Variants in PHF24 observed in about 807,000 individuals in gnomAD.
PHF24 encodes the protein PHD finger protein 24.
A neutral mutation model predicts 42.6 loss-of-function variants in PHF24; 25 were observed. The observed-to-expected ratio is 0.59, with a 90% confidence interval of 0.43 to 0.82. The LOEUF (loss-of-function observed/expected upper bound fraction) is 0.82, where lower values mean the gene tolerates loss of function less well. Ranked by LOEUF, PHF24 falls within the 40% of genes least tolerant of loss-of-function variation. The pLI, the probability that PHF24 is intolerant of heterozygous loss-of-function variation, is 0.00. For missense variants in PHF24, 470 were observed against 538.1 expected (o/e 0.87, Z 1.25); for synonymous variants, 185 against 204.8 (o/e 0.90, Z 0.83).
chr9:34,902,791 T>G, the PHF24 span, among the ~76,000 whole-genome samples: 29,672 of 152,176 alleles, frequency 0.19, 3,242 homozygotes, highest in East Asian at 0.49. Flanking sequence ...AGATTTCAAT[T>G]AAGAAAAAGA....
chr9:34,929,313 T>A, the PHF24 span, among the ~76,000 whole-genome samples: 40 of 152,362 alleles, frequency 2.6e-4, no homozygotes, highest in African/African-American at 9.4e-4. Flanking sequence ...TTGGATTTTT[T>A]AAATATGATT....
At chr9:34,919,689 A>G in the PHF24 span, among the ~76,000 whole-genome samples, 1 of 52,022 alleles carries the variant, frequency 1.9e-5, no homozygotes, top group East Asian at 4.2e-4. Flanking sequence ...GTACCCAGTA[A>G]TTACACACAC....
At chr9:34,893,052 G>T in the PHF24 span, 1 of 919,786 alleles carries the variant, frequency 1.1e-6, no homozygotes, top group Non-Finnish European at 1.7e-6. Flanking sequence ...TCACCTGCCA[G>T]CAATTGCTTA....
chr9:34,742,727 GCTT>G, the PHF24 span, among the ~76,000 whole-genome samples: 2 of 101,548 alleles, frequency 2.0e-5, no homozygotes, highest in African/African-American at 6.4e-5. Flanking sequence ...ACAATGCCCG[GCTT>G]CTTTTTTTCT....
the PHF24 span, among the ~76,000 whole-genome samples, chr9:34,877,883 C>G: frequency 0.19 from 29,167 of 151,942 alleles, 2,982 homozygotes; most frequent in South Asian, 0.29. Flanking sequence ...CTATCTCCCC[C>G]TCCCTGACAG....
the PHF24 span, chr9:34,835,848 C>G: frequency 3.1e-6 from 4 of 1,306,356 alleles, no homozygotes; most frequent in South Asian, 2.5e-5. Flanking sequence ...GCTCTATACT[C>G]TGCTCAAAGG....
exon 8 of PHF24, chr9:34,980,205 C>G (rs576102860): frequency 6.6e-6 from 1 of 152,368 alleles, no homozygotes; most frequent in African/African-American, 2.4e-5. Flanking sequence ...CTTCACAGAT[C>G]AAGGTGATGC....
the PHF24 span, among the ~76,000 whole-genome samples, chr9:34,857,192 G>GGA: frequency 6.6e-6 from 1 of 152,196 alleles, no homozygotes; most frequent in Non-Finnish European, 1.5e-5. Context: ...TGCTGCCACT[G>GGA]GCCAGCTGGA....
exon 8 of PHF24, chr9:34,978,727 A>G (rs996236926): frequency 1.3e-5 from 2 of 152,226 alleles, no homozygotes; most frequent in Non-Finnish European, 2.9e-5. Flanking sequence ...AGAGTTAAAC[A>G]TCACCACTGA....
chr9:34,921,837 A>C, the PHF24 span, among the ~76,000 whole-genome samples: 1 of 152,208 alleles, frequency 6.6e-6, no homozygotes. Flanking sequence ...ACCAGGACAA[A>C]CCAATATGTA....
the PHF24 span, chr9:34,726,808 C>G: frequency 6.4e-7 from 1 of 1,551,748 alleles, no homozygotes. Context: ...ACATACTAGA[C>G]GTAGACAGCA....
chr9:34,724,829 A>G, the PHF24 span: 1 of 1,549,596 alleles, frequency 6.5e-7, no homozygotes, highest in South Asian at 1.2e-5. Flanking sequence ...TTGGCTAGTG[A>G]CTGCCGGGGC....
the PHF24 span, among the ~76,000 whole-genome samples, chr9:34,756,419 T>C: frequency 6.6e-6 from 1 of 152,074 alleles, no homozygotes; most frequent in Non-Finnish European, 1.5e-5. Flanking sequence ...GTATGGTGAG[T>C]ATTCATTCTT....
the PHF24 span, chr9:34,835,849 T>G: frequency 7.7e-7 from 1 of 1,291,748 alleles, no homozygotes; most frequent in Non-Finnish European, 1.1e-6. Context: ...CTCTATACTC[T>G]GCTCAAAGGA....
Position 34,972,564 on chromosome 9 carries a change from T to C in PHF24, c.564+33T>C, listed in dbSNP as rs374222680. The C allele has an allele frequency of 3.6e-5, 55 of 1,548,336 alleles. No individual in the cohort carries two copies. The African/African-American group carries it at 7.2e-4, about 20-fold the overall frequency. On this transcript the variant is annotated intron_variant, in intron 3 of 7. Coordinates refer to ENST00000242315, the Ensembl canonical transcript of PHF24. Reference sequence around the variant, plus strand: ...TGGACTGCAGGGACAGCAGAGGACTTGGCACTTTTCCTGGAGGCCCGGTCT... The same window carrying C: ...TGGACTGCAGGGACAGCAGAGGACTCGGCACTTTTCCTGGAGGCCCGGTCT...
At chr9:34,813,195 A>G in the PHF24 span, among the ~76,000 whole-genome samples, 7 of 152,180 alleles carry the variant, frequency 4.6e-5, no homozygotes, top group East Asian at 3.9e-4. Context: ...AGCTCATGCT[A>G]TGGAGCAGTC....
chr9:34,839,063 G>A, the PHF24 span, among the ~76,000 whole-genome samples: 510 of 152,340 alleles, frequency 3.3e-3, 1 homozygote, highest in South Asian at 0.018. Flanking sequence ...GGGTGATAGG[G>A]AGAGGCCAAG....
At chr9:34,755,875 G>C in the PHF24 span, among the ~76,000 whole-genome samples, 3 of 152,076 alleles carry the variant, frequency 2.0e-5, no homozygotes, top group Non-Finnish European at 4.4e-5. Flanking sequence ...TACCCATTCT[G>C]TTGGTTGTCT....
the PHF24 span, among the ~76,000 whole-genome samples, chr9:34,678,793 G>C: frequency 6.6e-6 from 1 of 152,004 alleles, no homozygotes; most frequent in African/African-American, 2.4e-5. Flanking sequence ...ACCATGCCCG[G>C]CTAATTTTTG....
Sources: allele counts gnomAD v4.1 joint callset (sites outside exome capture counted in the v4.1 genomes callset), GRCh38; gene constraint gnomAD v4.1.1; transcripts MANE v1.5; gene names NCBI Gene and HGNC (gene_info 2026-07-23, HGNC 2026-07-21).